ALK: variants seen among roughly 807,000 people sequenced by gnomAD.
The protein encoded by ALK is ALK tyrosine kinase receptor.
A neutral mutation model predicts 163.1 loss-of-function variants in ALK; 74 were observed. That is an observed-to-expected ratio of 0.45 (90% CI 0.38 to 0.55). The LOEUF is 0.55. ALK is among the 20% of genes least tolerant of loss of function. The pLI, the probability that ALK is intolerant of heterozygous loss-of-function variation, is 0.00. For synonymous variants in ALK, 960 were observed against 843.2 expected, an observed-to-expected ratio of 1.14 and a Z score of -2.40; for missense variants, 2,063 against 2,105.3, an observed-to-expected ratio of 0.98 and a Z score of 0.39.
rs192818821 is a variant in ALK at position 29,255,734 on chromosome 2, C to A, written c.2042-4467G>T. Among the ~76,000 whole-genome samples the A allele has an allele frequency of 5.5e-4, 83 of 152,214 alleles. 2 individuals carry two copies. The Middle Eastern group carries it at 0.017, about 31-fold the overall frequency. ...CGGACCCACCTTGTCTTTTTCAGAA[C>A]CTTACTTAATACCAGAGTCTGATTT... On this transcript the variant is annotated intron_variant, in intron 11 of 28. Coordinates refer to ENST00000389048, the MANE Select transcript of ALK (RefSeq NM_004304.5).
intron 1 of ALK, among the ~76,000 whole-genome samples, chr2:29,854,400 G>A (rs1666086609): frequency 6.6e-6 from 1 of 151,992 alleles, no homozygotes; most frequent in African/African-American, 2.4e-5. Flanking sequence ...AAAGGAGCCT[G>A]GAACCTCCCC....
At position 29,537,157 on chromosome 2, in the gene ALK, G is replaced by A. The variant is rs533613484; in HGVS notation, c.953-5041C>T. On this transcript the variant is annotated intron_variant, in intron 3 of 28. Coordinates refer to ENST00000389048, the MANE Select transcript of ALK (RefSeq NM_004304.5). ...ATTCAAGTGGCCTGTGGAGCAACTC[G>A]CTAAGCGAATAGCATGACTAAAAGG... 1.9e-4 allele frequency among the ~76,000 whole-genome samples: 29 copies of A among 152,326 alleles called. No homozygotes were observed. In the East Asian group the frequency reaches 4.1e-3, roughly 21 times the overall value.
At chr2:29,279,700 T>C (rs1665657494) in intron 9 of ALK, among the ~76,000 whole-genome samples, 1 of 152,202 alleles carries the variant, frequency 6.6e-6, no homozygotes, top group African/African-American at 2.4e-5. Flanking sequence ...TGGCACCGCT[T>C]ACTGTCTCCT....
intron 1 of ALK, among the ~76,000 whole-genome samples, chr2:29,728,636 A>G (rs2631951): frequency 1 from 152,117 of 152,324 alleles, 75,955 homozygotes; most frequent in Middle Eastern, 1. Flanking sequence ...TGATGCTTGC[A>G]CTGAGGCCCT....
At chr2:29,260,018 A>G (rs1172127831) in intron 11 of ALK, among the ~76,000 whole-genome samples, 1 of 152,200 alleles carries the variant, frequency 6.6e-6, no homozygotes, top group African/African-American at 2.4e-5. Context: ...AACACTTTAT[A>G]TAACAAGAAA....
At chr2:29,228,155 TC>T (rs1190134239) in intron 16 of ALK, among the ~76,000 whole-genome samples, 1 of 150,800 alleles carries the variant, frequency 6.6e-6, no homozygotes, top group Non-Finnish European at 1.5e-5. Flanking sequence ...ATCTTTGGGC[TC>T]CCCCCTCGGG....
At chr2:29,335,520 C>G (rs182480826) in intron 5 of ALK, among the ~76,000 whole-genome samples, 66 of 152,278 alleles carry the variant, frequency 4.3e-4, no homozygotes, top group African/African-American at 1.4e-3. Flanking sequence ...TAACCAGTGA[C>G]TTACTGGGTA....
intron 3 of ALK, among the ~76,000 whole-genome samples, chr2:29,586,161 T>G (rs62131138): frequency 0.071 from 10,855 of 152,224 alleles, 452 homozygotes; most frequent in Non-Finnish European, 0.099. Context: ...TTTTTCATCC[T>G]TTTATTAATC....
chr2:29,789,067 A>G (rs1664121977), intron 1 of ALK, among the ~76,000 whole-genome samples: 1 of 46,446 alleles, frequency 2.2e-5, no homozygotes, highest in African/African-American at 4.4e-5. Context: ...CTGTATGCAC[A>G]TGCCTATGCG....
chr2:29,880,387 G>C (rs1243402039), intron 1 of ALK, among the ~76,000 whole-genome samples: 1 of 152,186 alleles, frequency 6.6e-6, no homozygotes, highest in African/African-American at 2.4e-5. Context: ...GGGTGTATCA[G>C]AGCCCTTGGC....
At chr2:29,826,212 TG>T (rs1665193755) in intron 1 of ALK, among the ~76,000 whole-genome samples, 1 of 152,026 alleles carries the variant, frequency 6.6e-6, no homozygotes, top group African/African-American at 2.4e-5. Flanking sequence ...CCTCTCCATA[TG>T]GGGTAGTAGA....
intron 4 of ALK, among the ~76,000 whole-genome samples, chr2:29,498,293 G>T (rs909875776): frequency 2.6e-5 from 4 of 152,162 alleles, no homozygotes; most frequent in East Asian, 1.9e-4. Flanking sequence ...TTCATTATTT[G>T]TCAGGCTACT....
chr2:29,717,247 G>C (rs1446138509), intron 2 of ALK, among the ~76,000 whole-genome samples: 4 of 151,048 alleles, frequency 2.6e-5, no homozygotes, highest in Non-Finnish European at 4.4e-5. Flanking sequence ...CAGAAAGCAA[G>C]CTACAGTCAA....
At chr2:29,626,064 G>T (rs1399131302) in intron 3 of ALK, among the ~76,000 whole-genome samples, 2 of 152,196 alleles carry the variant, frequency 1.3e-5, no homozygotes, top group Non-Finnish European at 2.9e-5. Flanking sequence ...AGCCACACAG[G>T]GCTCTAAGAA....
chr2:29,616,958 C>T (rs1411843574), intron 3 of ALK, among the ~76,000 whole-genome samples: 1 of 152,156 alleles, frequency 6.6e-6, no homozygotes, highest in African/African-American at 2.4e-5. Context: ...TGACCCACCT[C>T]ATAAATTTGT....
intron 4 of ALK, among the ~76,000 whole-genome samples, chr2:29,477,288 G>C (rs994735038): frequency 1.2e-4 from 18 of 152,122 alleles, no homozygotes; most frequent in Admixed American, 5.9e-4. Flanking sequence ...AAAGAGAAAG[G>C]GGCTTTGCTA....
intron 26 of ALK, among the ~76,000 whole-genome samples, chr2:29,201,561 C>T (rs905155977): frequency 9.2e-5 from 14 of 151,946 alleles, no homozygotes; most frequent in Admixed American, 6.6e-4. Flanking sequence ...CTGAGGTGGG[C>T]GGATCACTTG....
chr2:29,734,322 G>A (rs899720418), intron 1 of ALK, among the ~76,000 whole-genome samples: 7 of 152,240 alleles, frequency 4.6e-5, no homozygotes, highest in South Asian at 2.1e-4. Context: ...GCCCTAAAGA[G>A]AAGAGACTGT....
chr2:29,454,066 C>T (rs1670888825), intron 4 of ALK, among the ~76,000 whole-genome samples: 10 of 152,178 alleles, frequency 6.6e-5, no homozygotes, highest in Admixed American at 6.6e-4. Context: ...GGAACTGTCA[C>T]AGTCTAAGGC....
Sources: gnomAD v4.1 joint callset for allele counts (sites outside exome capture counted in the v4.1 genomes callset) on GRCh38, gnomAD v4.1.1 for gene constraint, MANE v1.5 for transcripts, NCBI Gene and HGNC (gene_info 2026-07-23, HGNC 2026-07-21) for gene names.